The following MERTK variants were observed in gnomAD, a reference collection of about 807,000 sequenced individuals.
The protein encoded by MERTK is MER proto-oncogene, tyrosine kinase.
MERTK carries 69 observed loss-of-function variants against 99.3 expected under a neutral mutation model. The observed-to-expected ratio is 0.70, with a 90% CI of 0.57 to 0.85. The LOEUF (loss-of-function observed/expected upper bound fraction) is 0.85, where lower values mean the gene tolerates loss of function less well. Among genes scored for constraint, MERTK ranks in the 40% least tolerant of loss-of-function variants. The probability of loss-of-function intolerance (pLI) is 0.00; values close to 1 mark genes in which losing one functional copy is unlikely to be tolerated. For missense variants in MERTK, 1,125 were observed against 1,249.4 expected (o/e 0.90, Z 1.50); for synonymous variants, 426 against 467.6 (o/e 0.91, Z 1.15).
chr2:111,909,292 C>G (rs1377611200), intron 1 of MERTK, among the ~76,000 whole-genome samples: 1 of 152,062 alleles, frequency 6.6e-6, no homozygotes, highest in Non-Finnish European at 1.5e-5. Context: ...AGAGCCGGTG[C>G]CCTCATACAA....
At chr2:111,983,958 A>G (rs13020304) in intron 8 of MERTK, among the ~76,000 whole-genome samples, 31,897 of 152,214 alleles carry the variant, frequency 0.21, 4,012 homozygotes, top group Middle Eastern at 0.36. Context: ...TTAGAGAAAC[A>G]GCTAATTGAA....
intron 2 of MERTK, among the ~76,000 whole-genome samples, chr2:111,941,761 A>G (rs1343035142): frequency 6.6e-6 from 1 of 152,192 alleles, no homozygotes; most frequent in African/African-American, 2.4e-5. Context: ...AGGCCTTGCT[A>G]ATTAATGCAG....
chr2:112,005,970 C>T (rs912137832), intron 13 of MERTK, among the ~76,000 whole-genome samples: 5 of 152,144 alleles, frequency 3.3e-5, no homozygotes, highest in African/African-American at 1.2e-4. Context: ...CAACCTCTGC[C>T]TCTGGGTTCG....
At chr2:112,010,171 A>G in intron 15 of MERTK, 105 bp downstream of exon 15, 1 of 907,170 alleles carries the variant, frequency 1.1e-6, no homozygotes. Context: ...GAAGGAGAGG[A>G]CGTTGACTTT....
At chr2:111,962,541 T>TA (rs1163574902) in intron 4 of MERTK, among the ~76,000 whole-genome samples, 1 of 152,184 alleles carries the variant, frequency 6.6e-6, no homozygotes, top group Non-Finnish European at 1.5e-5. Flanking sequence ...GTTTTAGACT[T>TA]ATAGAAAAAC....
At chr2:111,909,636 T>TA (rs1684203666) in intron 1 of MERTK, among the ~76,000 whole-genome samples, 1 of 152,182 alleles carries the variant, frequency 6.6e-6, no homozygotes, top group Admixed American at 6.5e-5. Flanking sequence ...GTTAATCACT[T>TA]ATGTCTTTAA....
At chr2:111,953,688 G>A (rs7586555) in intron 4 of MERTK, among the ~76,000 whole-genome samples, 3,763 of 152,052 alleles carry the variant, frequency 0.025, 133 homozygotes, top group African/African-American at 0.081. Flanking sequence ...TGATTCTCCC[G>A]CCTCAGCCTC....
chr2:111,910,610 G>GTGTGTGTGTGTATATATA lies in MERTK; in HGVS notation c.61+11815_61+11816insGTGTGTGTGTATATATAT, dbSNP rs370882764. On this transcript the variant is annotated intron_variant, in intron 1 of 18. Coordinates refer to ENST00000295408, the MANE Select transcript of MERTK (RefSeq NM_006343.3). ...AAAAAAAGTGTGTGTGTGTGTGTGT[G>GTGTGTGTGTGTATATATA]TATATATATATATATATACAAATGG... Among the ~76,000 whole-genome samples, 309 of 143,640 alleles carry GTGTGTGTGTGTATATATA rather than the reference G, an allele frequency of 2.2e-3. 2 individuals are homozygous for GTGTGTGTGTGTATATATA. The highest frequency in any genetic ancestry group is 7.8e-3 in the African/African-American group (301 of 38,572). The allele number at this position is 143,640 out of a possible 152,430, so 94.2% of individuals were successfully genotyped here.
At chr2:112,003,503 A>G (rs950661453) in intron 12 of MERTK, 5 of 333,846 alleles carry the variant, frequency 1.5e-5, no homozygotes, top group African/African-American at 1.1e-4. Flanking sequence ...TCTTAAGTTC[A>G]TTGTTCTTGG....
intron 4 of MERTK, 113 bp downstream of exon 4, chr2:111,947,680 G>T: frequency 7.8e-7 from 1 of 1,275,934 alleles, no homozygotes. Context: ...TGAAAATACA[G>T]GTGTGGCAGC....
chr2:111,947,459 A>G lies in MERTK; in HGVS notation c.649A>G (p.Thr217Ala). ...NVTRNTAFNL[T>A]CQAVGPPEPV... ...CACCAGAAACACAGCCTTCAACCTCACCTGTCAGGCTGTGGGCCCGCCTGA... is the reference window on the plus strand; with the variant it reads ...CACCAGAAACACAGCCTTCAACCTCGCCTGTCAGGCTGTGGGCCCGCCTGA... Residue 217 changes from threonine to alanine, a missense_variant, in exon 4 of 19, where the codon ACC becomes GCC. Transcript: ENST00000295408. 1.2e-6 allele frequency: 2 copies of G among 1,613,724 alleles called. No individual in the cohort carries two copies. Among genetic ancestry groups the G allele is most frequent in the Non-Finnish European group, 8.5e-7 (1 of 1,179,902 alleles).
intron 1 of MERTK, among the ~76,000 whole-genome samples, chr2:111,915,881 G>A (rs1159155239): frequency 2.0e-5 from 3 of 152,076 alleles, no homozygotes; most frequent in Admixed American, 2.0e-4. Flanking sequence ...GGCAACAAGA[G>A]CAAAAACTCC....
intron 1 of MERTK, among the ~76,000 whole-genome samples, chr2:111,906,725 C>G (rs1441882964): frequency 6.6e-6 from 1 of 152,164 alleles, no homozygotes; most frequent in East Asian, 1.9e-4. Flanking sequence ...AAGCAATGTT[C>G]TTTGAAAGTT....
intron 18 of MERTK, 144 bp downstream of exon 18, chr2:112,022,538 C>A (rs1677375286): frequency 8.2e-7 from 1 of 1,223,466 alleles, no homozygotes; most frequent in South Asian, 1.2e-5. Flanking sequence ...AACCCACAGA[C>A]ACCCCAGCCC....
chr2:111,991,970 A>T, intron 8 of MERTK, among the ~76,000 whole-genome samples: 1 of 152,182 alleles, frequency 6.6e-6, no homozygotes, highest in South Asian at 2.1e-4. Flanking sequence ...CTCAGAAAAC[A>T]GAATCTCTCT....
At chr2:112,019,339 C>G (rs1348686774) in intron 15 of MERTK, 74 bp from the exon 16 acceptor site, 5 of 1,071,396 alleles carry the variant, frequency 4.7e-6, no homozygotes, top group East Asian at 2.4e-5. Flanking sequence ...CATCCTTTCC[C>G]CCCCCGGCAG....
chr2:112,021,278 C>T, intron 16 of MERTK, 144 bp from the exon 17 acceptor site: 1 of 1,188,694 alleles, frequency 8.4e-7, no homozygotes, highest in Non-Finnish European at 1.2e-6. Flanking sequence ...TGCCATTGGT[C>T]CCAATGCAGC....
intron 7 of MERTK, among the ~76,000 whole-genome samples, chr2:111,981,527 G>A (rs1315666755): frequency 3.9e-5 from 6 of 152,026 alleles, no homozygotes; most frequent in Non-Finnish European, 8.8e-5. Flanking sequence ...CATAATTATT[G>A]ACCAAGCATT....
chr2:111,983,455 C>T (rs1440664347), intron 8 of MERTK, among the ~76,000 whole-genome samples: 1 of 152,176 alleles, frequency 6.6e-6, no homozygotes, highest in Non-Finnish European at 1.5e-5. Flanking sequence ...TAGAGAATGG[C>T]AAGAAGTAAG....
Sources: allele counts gnomAD v4.1 joint callset (sites outside exome capture counted in the v4.1 genomes callset), GRCh38; gene constraint gnomAD v4.1.1; transcripts MANE v1.5; gene names NCBI Gene and HGNC (gene_info 2026-07-23, HGNC 2026-07-21).